Variants in USP46 observed in about 807,000 individuals in gnomAD.
The protein encoded by USP46 is ubiquitin specific peptidase 46.
A neutral mutation model predicts 44.4 loss-of-function variants in USP46; 12 were observed. That is an observed-to-expected ratio of 0.27 (90% CI 0.17 to 0.44). The LOEUF is 0.44. Among genes scored for constraint, USP46 ranks in the 20% least tolerant of loss-of-function variants. The probability of loss-of-function intolerance (pLI) is 1.00; values close to 1 mark genes in which losing one functional copy is unlikely to be tolerated. For missense variants in USP46, 248 were observed against 444.8 expected, an observed-to-expected ratio of 0.56 and a Z score of 3.98; for synonymous variants, 155 against 161.5, an observed-to-expected ratio of 0.96 and a Z score of 0.31.
intron 5 of USP46, among the ~76,000 whole-genome samples, chr4:52,607,161 C>T (rs1716716142): frequency 6.6e-6 from 1 of 152,074 alleles, no homozygotes; most frequent in African/African-American, 2.4e-5. Flanking sequence ...ATTTGTAGAC[C>T]CAGACAGGTG....
chr4:52,621,393 C>T (rs974697187), intron 4 of USP46, among the ~76,000 whole-genome samples: 3 of 152,112 alleles, frequency 2.0e-5, no homozygotes, highest in East Asian at 1.9e-4. Flanking sequence ...CTGTGGCTCA[C>T]GTATGTAATC....
At chr4:52,615,027 A>G (rs1717071531) in intron 4 of USP46, among the ~76,000 whole-genome samples, 2 of 152,176 alleles carry the variant, frequency 1.3e-5, no homozygotes, top group African/African-American at 4.8e-5. Flanking sequence ...GCGAAAATGT[A>G]CTCAGAAAAG....
chr4:52,624,038 T>C (rs973936835), intron 4 of USP46, among the ~76,000 whole-genome samples: 1 of 152,022 alleles, frequency 6.6e-6, no homozygotes. Flanking sequence ...ATGTGGGAAA[T>C]GCTATAGGAC....
Position 52,597,370 on chromosome 4 carries a change from T to C in USP46, c.*270A>G, listed in dbSNP as rs187230227. ...ATACAGCCAGACATAATGAATGGCA[T>C]AGCTTTCACCCAGTCCTAAAATTAG... On this transcript the variant is annotated 3_prime_UTR_variant, in exon 9 of 9. Coordinates refer to ENST00000441222, the MANE Select transcript of USP46 (RefSeq NM_022832.4). 2.1e-4 allele frequency: 72 copies of C among 349,616 alleles called. No homozygotes were observed. The highest frequency in any genetic ancestry group is 1.3e-3 in the African/African-American group (61 of 45,874). 21.7% of individuals were successfully genotyped at this position (349,616 alleles called of 1,614,324 possible).
chr4:52,611,400 A>T (rs995481529), intron 4 of USP46, among the ~76,000 whole-genome samples: 3 of 152,244 alleles, frequency 2.0e-5, no homozygotes, highest in African/African-American at 7.2e-5. Context: ...TTCACTGACA[A>T]CCCTGGGGTT....
intron 1 of USP46, among the ~76,000 whole-genome samples, chr4:52,637,114 A>G (rs1395606213): frequency 6.6e-6 from 1 of 152,106 alleles, no homozygotes; most frequent in Non-Finnish European, 1.5e-5. Flanking sequence ...CCAGCCTCCT[A>G]ATAAAATCTT....
At chr4:52,605,087 T>G (rs1456068881) in intron 5 of USP46, among the ~76,000 whole-genome samples, 1 of 152,206 alleles carries the variant, frequency 6.6e-6, no homozygotes, top group African/African-American at 2.4e-5. Context: ...TAGTCCATAT[T>G]TTCAAAGAGC....
At chr4:52,647,402 T>A (rs1718585712) in intron 1 of USP46, among the ~76,000 whole-genome samples, 1 of 152,244 alleles carries the variant, frequency 6.6e-6, no homozygotes, top group Admixed American at 6.5e-5. Context: ...GTGCACATTT[T>A]GAAATTTCTG....
At chr4:52,637,253 TTCCAAGGG>T (rs940245706) in intron 1 of USP46, among the ~76,000 whole-genome samples, 23 of 152,110 alleles carry the variant, frequency 1.5e-4, no homozygotes, top group Admixed American at 2.6e-4. Flanking sequence ...GGCTGGCTTT[TTCCAAGGG>T]CTGTCTGGGG....
intron 7 of USP46, 127 bp downstream of exon 7, chr4:52,601,729 GT>G (rs1250259250): frequency 5.7e-6 from 5 of 876,750 alleles, no homozygotes; most frequent in Non-Finnish European, 8.1e-6. Flanking sequence ...GTGATGATCA[GT>G]AAGAGTTTGG....
chr4:52,626,194 G>A lies in USP46; in HGVS notation c.385C>T (p.Leu129=). The A allele has an allele frequency of 6.2e-7, 1 of 1,613,716 alleles. No homozygotes were observed. Among genetic ancestry groups the A allele is most frequent in the South Asian group, 1.1e-5 (1 of 91,024 alleles). ...QDAHEFLNYL[L]NTIADILQEE... is the part of the protein sequence containing the mutation. ...TGAAGGATGTCCGCAATAGTGTTTAGCAAATAATTTAAAAATTCATGAGCA... is the reference window on the plus strand; with the variant it reads ...TGAAGGATGTCCGCAATAGTGTTTAACAAATAATTTAAAAATTCATGAGCA... Residue 129 remains leucine, a synonymous_variant, in exon 4 of 9, where the codon CTA becomes TTA. Coordinates refer to ENST00000441222, the MANE Select transcript of USP46 (RefSeq NM_022832.4).
At position 52,593,917 on chromosome 4, in the gene USP46, C is replaced by T. The variant is rs1716125263; in HGVS notation, c.*3723G>A. ...ATTTGCTATTCTCCAGATACCATTT[C>T]CTGAATTAAATTCTGTTGATCTTTT... On this transcript the variant is annotated 3_prime_UTR_variant, in exon 9 of 9. Transcript: ENST00000441222. 1 of 152,212 alleles carries T rather than the reference C, an allele frequency of 6.6e-6. No homozygotes were observed. Among genetic ancestry groups the T allele is most frequent in the Non-Finnish European group, 1.5e-5 (1 of 68,038 alleles). 9.4% of individuals were successfully genotyped at this position (152,212 alleles called of 1,614,324 possible). A position where few individuals can be genotyped will look rare whatever the true frequency, so the allele number is the denominator to read the frequency against.
Position 52,601,947 on chromosome 4 carries a change from G to A in USP46, c.830C>T (p.Pro277Leu). 6.2e-7 allele frequency: 1 copy of A among 1,613,968 alleles called. No individual in the cohort carries two copies. The highest frequency in any genetic ancestry group is 8.5e-7 in the Non-Finnish European group (1 of 1,179,894). ...YTKLSYRVVF[P>L]LELRLFNTSS... ...GGTGTTGAAGAGCCGGAGTTCCAGAGGGAAGACCACACGGTAAGACAGCTT... is the reference window on the plus strand; with the variant it reads ...GGTGTTGAAGAGCCGGAGTTCCAGAAGGAAGACCACACGGTAAGACAGCTT... Residue 277 changes from proline to leucine, a missense_variant, in exon 7 of 9, where the codon CCT (proline) becomes CTT (leucine). By Grantham distance (98) the Pro-to-Leu change is moderately conservative (BLOSUM62 -3). This residue lies in a region of USP46 where 98 missense variants were observed against 218.2 expected (regional missense o/e 0.45). Transcript: ENST00000441222.
intron 1 of USP46, 115 bp downstream of exon 1, chr4:52,659,000 G>GCGCGGACCCCGCCGCCCC: frequency 7.6e-7 from 1 of 1,320,622 alleles, no homozygotes; most frequent in South Asian, 1.6e-5. Flanking sequence ...ACTTCTGGCG[G>GCGCGGACCCCGCCGCCCC]CGCGGACCCC....
intron 5 of USP46, among the ~76,000 whole-genome samples, chr4:52,606,080 T>C (rs1716676984): frequency 6.6e-6 from 1 of 152,224 alleles, no homozygotes; most frequent in Non-Finnish European, 1.5e-5. Context: ...CTCCCCTCTA[T>C]GTGGGCAGTG....
chr4:52,657,839 A>C (rs1030760549), intron 1 of USP46, among the ~76,000 whole-genome samples: 5 of 152,330 alleles, frequency 3.3e-5, no homozygotes, highest in Admixed American at 3.3e-4. Context: ...CATTGTGCTG[A>C]AAGCTGAAGC....
chr4:52,596,364 C>G lies in USP46; in HGVS notation c.*1276G>C, dbSNP rs1560387401. ...CTCAACAGCAAAACACCAAATGACC[C>G]TTTTAAAGGTACCAATATTCAAATG... On this transcript the variant is annotated 3_prime_UTR_variant, in exon 9 of 9. Coordinates refer to ENST00000441222, the MANE Select transcript of USP46 (RefSeq NM_022832.4). 1 of 152,550 alleles carries G rather than the reference C, an allele frequency of 6.6e-6. No homozygotes were observed. Among genetic ancestry groups the G allele is most frequent in the Non-Finnish European group, 1.5e-5 (1 of 68,020 alleles). The allele number at this position is 152,550 out of a possible 1,614,324, so 9.4% of individuals were successfully genotyped here. A position where few individuals can be genotyped will look rare whatever the true frequency, so the allele number is the denominator to read the frequency against.
At chr4:52,649,895 T>TAC (rs1184320224) in intron 1 of USP46, among the ~76,000 whole-genome samples, 3 of 151,952 alleles carry the variant, frequency 2.0e-5, no homozygotes, top group South Asian at 2.1e-4. Context: ...GCACTTAAAA[T>TAC]ACACACACAC....
At chr4:52,623,218 GA>G (rs1560400781) in intron 4 of USP46, among the ~76,000 whole-genome samples, 1 of 152,116 alleles carries the variant, frequency 6.6e-6, no homozygotes, top group Non-Finnish European at 1.5e-5. Flanking sequence ...AGGATGGTGA[GA>G]AGGAGTACAC....
Sources: allele counts gnomAD v4.1 joint callset (sites outside exome capture counted in the v4.1 genomes callset), GRCh38; gene constraint gnomAD v4.1.1; regional missense constraint gnomAD v4.1.1; transcripts MANE v1.5; gene names NCBI Gene and HGNC (gene_info 2026-07-23, HGNC 2026-07-21).